The following CENPF variants were observed in gnomAD, a reference collection of about 807,000 sequenced individuals.
CENPF encodes the protein centromere protein F, also known as AH antigen.
A neutral mutation model predicts 307.3 loss-of-function variants in CENPF; 214 were observed. The ratio of observed to expected loss-of-function variants is 0.70; its 90% CI spans 0.62 to 0.78. The LOEUF is 0.78. Ranked by LOEUF, CENPF falls within the 30% of genes least tolerant of loss-of-function variation. CENPF has a pLI of 0.00. For missense variants in CENPF, 3,401 were observed against 3,483.9 expected, an observed-to-expected ratio of 0.98 and a Z score of 0.60; for synonymous variants, 1,259 against 1,270.6, an observed-to-expected ratio of 0.99 and a Z score of 0.19.
intron 10 of CENPF, among the ~76,000 whole-genome samples, chr1:214,635,260 C>T (rs1003753932): frequency 9.9e-5 from 15 of 152,208 alleles, no homozygotes; most frequent in African/African-American, 3.1e-4. Flanking sequence ...CAGCAGGGGA[C>T]GTATTAAGCT....
chr1:214,605,634 G>T, intron 1 of CENPF: 1 of 1,509,888 alleles, frequency 6.6e-7, no homozygotes, highest in Non-Finnish European at 8.9e-7. Flanking sequence ...TGAGGTCCGG[G>T]GGCTGCCTTA....
chr1:214,663,742 G>A lies in CENPF; in HGVS notation c.9293G>A (p.Ser3098Asn). The A allele has an allele frequency of 6.2e-7, 1 of 1,614,072 alleles. No homozygotes were observed. Among genetic ancestry groups the A allele is most frequent in the South Asian group, 1.1e-5 (1 of 91,056 alleles). ...GTCAAGCGAGGCCGACTTGTCCCCA[G>A]CCCCAAAGCTGGACTGGAGTCCAAC... ...LRVKRGRLVP[S>N]PKAGLESNGS... Residue 3098 changes from serine (S) to asparagine (N), a missense_variant, in exon 20 of 20, where the codon AGC (serine) becomes AAC (asparagine). Physicochemically the swap from Ser to Asn is conservative, Grantham distance 46. Transcript: ENST00000366955.
At chr1:214,611,312 G>A (rs1015663197) in intron 1 of CENPF, among the ~76,000 whole-genome samples, 2 of 152,144 alleles carry the variant, frequency 1.3e-5, no homozygotes, top group South Asian at 4.1e-4. Flanking sequence ...ATATTCATGA[G>A]CATGGGATGT....
chr1:214,642,020 GAGA>G lies in CENPF; in HGVS notation c.3685_3687del (p.Lys1229del), dbSNP rs1337319433. 5.6e-6 allele frequency: 9 copies of G among 1,610,804 alleles called. No individual in the cohort carries two copies. The highest frequency in any genetic ancestry group is 5.1e-6 in the Non-Finnish European group (6 of 1,179,268). ...TAAGGAATTAAAACTTCAGGAAAGTGAGAAGGAGAAGGAGTGCCTGCAGCATGA... is the reference window on the plus strand; with the variant it reads ...TAAGGAATTAAAACTTCAGGAAAGTGAGGAGAAGGAGTGCCTGCAGCATGA... On this transcript the variant is annotated inframe_deletion, in exon 12 of 20. Coordinates refer to ENST00000366955, the MANE Select transcript of CENPF (RefSeq NM_016343.4).
In CENPF at chr1:214,642,710, G is replaced by A. The variant is rs751232071; in HGVS notation, c.4372G>A (p.Gly1458Ser). 1.9e-6 allele frequency: 3 copies of A among 1,614,142 alleles called. No individual in the cohort carries two copies. The Admixed American group carries it at 5.0e-5, about 27-fold the overall frequency. The part of the protein sequence containing the change: ...VLSTNLRNFQ[G>S]DLVKEMQLGL... ...GTCAACGAATCTGAGAAACTTTCAA[G>A]GTGACTTGGTGAAGGAGATGCAGCT... The change falls in exon 12 of 20, where the codon GGT becomes AGT. Residue 1458 changes from glycine to serine, a missense_variant. By Grantham distance (56) the Gly-to-Ser change is moderately conservative. Transcript: ENST00000366955.
At chr1:214,655,462 A>C in intron 17 of CENPF, 59 bp downstream of exon 17, 1 of 1,443,648 alleles carries the variant, frequency 6.9e-7, no homozygotes, top group Non-Finnish European at 9.3e-7. Context: ...GTGAAATAAC[A>C]TATGGTATGC....
intron 7 of CENPF, among the ~76,000 whole-genome samples, chr1:214,623,883 A>G (rs558885846): frequency 3.5e-4 from 53 of 152,328 alleles, no homozygotes; most frequent in Admixed American, 8.5e-4. Flanking sequence ...GAGAAAAATG[A>G]ATTATTTGAC....
chr1:214,612,554 A>G (rs972417242), intron 1 of CENPF, among the ~76,000 whole-genome samples: 2 of 152,176 alleles, frequency 1.3e-5, no homozygotes, highest in Non-Finnish European at 2.9e-5. Flanking sequence ...AGTACCCTGT[A>G]CACCCAACAG....
chr1:214,636,810 A>G (rs1015909349), intron 10 of CENPF, among the ~76,000 whole-genome samples: 2 of 152,170 alleles, frequency 1.3e-5, no homozygotes, highest in African/African-American at 4.8e-5. Context: ...TGCAGTTTAG[A>G]AAAAAGTTAG....
Position 214,645,269 on chromosome 1 carries a change from T to A in CENPF, c.5699T>A (p.Val1900Glu). Residue 1900 changes from valine to glutamate, a missense_variant, in exon 13 of 20, where the codon GTG (valine) becomes GAG (glutamate). Transcript: ENST00000366955. ...AGCTGGAAGGAGAGATTTCTTGATGTGGAAAATGAGCTGAGTAGGATCAGA... is the reference window on the plus strand; with the variant it reads ...AGCTGGAAGGAGAGATTTCTTGATGAGGAAAATGAGCTGAGTAGGATCAGA... ...NDSWKERFLD[V>E]ENELSRIRSE... 1 of 1,614,022 alleles carries A rather than the reference T, an allele frequency of 6.2e-7. No individual in the cohort carries two copies. The highest frequency in any genetic ancestry group is 1.1e-5 in the South Asian group (1 of 91,064).
intron 10 of CENPF, among the ~76,000 whole-genome samples, chr1:214,633,624 GTA>G (rs1245643436): frequency 6.6e-6 from 1 of 152,228 alleles, no homozygotes; most frequent in African/African-American, 2.4e-5. Flanking sequence ...TTTGCAGAGT[GTA>G]TCATGATGGT....
At chr1:214,616,294 A>T (rs74722867) in intron 3 of CENPF, among the ~76,000 whole-genome samples, 4,613 of 152,322 alleles carry the variant, frequency 0.03, 106 homozygotes, top group Middle Eastern at 0.088. Flanking sequence ...GGGAAAAGAG[A>T]ATAAGATACG....
At chr1:214,648,557 A>G (rs1658373521) in intron 13 of CENPF, 118 bp from the exon 14 acceptor site, 6 of 1,140,450 alleles carry the variant, frequency 5.3e-6, no homozygotes, top group Non-Finnish European at 7.9e-6. Context: ...GGGATTAGCC[A>G]GCTTCCATTT....
At chr1:214,662,110 A>T (rs562691471) in intron 19 of CENPF, among the ~76,000 whole-genome samples, 2 of 152,108 alleles carry the variant, frequency 1.3e-5, no homozygotes, top group Admixed American at 1.3e-4. Flanking sequence ...TTTGATTGGG[A>T]TAAAGAGGCT....
In CENPF at chr1:214,618,691, A is replaced by G. The variant is rs778830188; in HGVS notation, c.478A>G (p.Ser160Gly). 2.5e-6 allele frequency: 4 copies of G among 1,612,804 alleles called. No individual in the cohort carries two copies. In the African/African-American group the frequency reaches 4.0e-5, roughly 16 times the overall value. ...TCCACTAACACCAAGTCAATATTAT[A>G]GTGGTAATGCATTTTCTTCCTTGGT... ...TTPLTPSQYY[S>G]GSKYEDLKEK... Residue 160 changes from serine to glycine, a missense_variant, in exon 4 of 20, where the codon AGT becomes GGT. By Grantham distance (56) the Ser-to-Gly change is moderately conservative. Coordinates refer to ENST00000366955, the MANE Select transcript of CENPF (RefSeq NM_016343.4).
In CENPF at chr1:214,645,838, T is replaced by C. The variant is rs557535133; in HGVS notation, c.6268T>C (p.Ser2090Pro). 13 of 1,614,104 alleles carry C rather than the reference T, an allele frequency of 8.1e-6. No homozygotes were observed. The highest frequency in any genetic ancestry group is 1.1e-5 in the South Asian group (1 of 91,086). ...ATCAGATTATGAAAAGCTGAATGTCTCCAAGGCCTTGGAGGCCGCACTGGT... is the reference window on the plus strand; with the variant it reads ...ATCAGATTATGAAAAGCTGAATGTCCCCAAGGCCTTGGAGGCCGCACTGGT... ...SESDYEKLNV[S>P]KALEAALVEK... Residue 2090 changes from serine (S) to proline (P), a missense_variant, in exon 13 of 20, where the codon TCC becomes CCC. Coordinates refer to ENST00000366955, the MANE Select transcript of CENPF (RefSeq NM_016343.4).
intron 7 of CENPF, among the ~76,000 whole-genome samples, chr1:214,627,222 G>T (rs1297263642): frequency 1.3e-5 from 2 of 151,906 alleles, no homozygotes; most frequent in African/African-American, 4.8e-5. Flanking sequence ...ACCACACCTG[G>T]CTAATTTTTG....
chr1:214,608,526 G>T, intron 1 of CENPF: 1 of 1,611,932 alleles, frequency 6.2e-7, no homozygotes, highest in Non-Finnish European at 8.5e-7. Flanking sequence ...CAGTCACGCA[G>T]CGAACATACA....
intron 10 of CENPF, among the ~76,000 whole-genome samples, chr1:214,636,782 A>G (rs1460201035): frequency 6.6e-6 from 1 of 152,110 alleles, no homozygotes; most frequent in Non-Finnish European, 1.5e-5. Flanking sequence ...CAAAGGGGTA[A>G]TTTTGGTAGG....
Sources: gnomAD v4.1 joint callset for allele counts (sites outside exome capture counted in the v4.1 genomes callset) on GRCh38, gnomAD v4.1.1 for gene constraint, MANE v1.5 for transcripts, NCBI Gene and HGNC (gene_info 2026-07-23, HGNC 2026-07-21) for gene names.